Variants in CRX observed in about 807,000 individuals in gnomAD.
CRX encodes cone-rod homeobox.
A neutral mutation model predicts 13.1 loss-of-function variants in CRX; 5 were observed. The ratio of observed to expected loss-of-function variants is 0.38; its 90% CI spans 0.20 to 0.80. The LOEUF is 0.80. Ranked by LOEUF, CRX falls within the 30% of genes least tolerant of loss-of-function variation. The pLI, the probability that CRX is intolerant of heterozygous loss-of-function variation, is 0.43. For synonymous variants in CRX, 179 were observed against 171.1 expected (o/e 1.05, Z -0.36); for missense variants, 351 against 391.8 (o/e 0.90, Z 0.88).
At chr19:47,827,836 TAAAAAAAAAAAAAAAAAA>T (rs1156465404) in intron 1 of CRX, among the ~76,000 whole-genome samples, 15,652 of 42,432 alleles carry the variant, frequency 0.37, 1,998 homozygotes, top group Admixed American at 0.45. Context: ...GCATCTTTAT[TAAAAAAAAAAAAAAAAAA>T]AAAAAAAAAA....
In CRX at chr19:47,839,255, C is replaced by T. The variant is rs1968159114; in HGVS notation, c.253-65C>T. 3 of 1,542,618 alleles carry T rather than the reference C, an allele frequency of 1.9e-6. No individual in the cohort carries two copies. The highest frequency in any genetic ancestry group is 1.9e-5 in the Admixed American group (1 of 53,110). ...ACCAATAAGTGTCCTCATCCCCGGG[C>T]ACCCTGCGGCTCTCCTGGGCCTCTT... On this transcript the variant is annotated intron_variant, in intron 3 of 3. Coordinates refer to ENST00000221996, the MANE Select transcript of CRX (RefSeq NM_000554.6). This position sits in a 1 kb window ranked among gnomAD's most constrained non-coding sequence, Gnocchi z 4.6.
Position 47,840,670 on chromosome 19 carries a change from TAGGATTACAGGCGTG to T in CRX, c.*706_*720del. On this transcript the variant is annotated 3_prime_UTR_variant, in exon 4 of 4. Transcript: ENST00000221996. ...CGCCCGCCTCGGCCTCCCAAAGTGC[TAGGATTACAGGCGTG>T]AGCCACCGCGCCCGGCCCTTTTTTT... 1 of 149,672 alleles carries T rather than the reference TAGGATTACAGGCGTG, an allele frequency of 6.7e-6. No individual in the cohort carries two copies. The highest frequency in any genetic ancestry group is 1.5e-5 in the Non-Finnish European group (1 of 67,684). 9.3% of individuals were successfully genotyped at this position (149,672 alleles called of 1,614,324 possible). A position where few individuals can be genotyped will look rare whatever the true frequency, so the allele number is the denominator to read the frequency against.
In CRX at chr19:47,834,394, C is replaced by T. The variant is rs766058523; in HGVS notation, c.-35-15C>T. 2.2e-6 allele frequency: 3 copies of T among 1,381,766 alleles called. No homozygotes were observed. Among genetic ancestry groups the T allele is most frequent in the Admixed American group, 1.7e-5 (1 of 59,696 alleles). The allele number at this position is 1,381,766 out of a possible 1,614,324, so 85.6% of individuals were successfully genotyped here. ...AACTGGTAAGTGAGTGAGCATCCCT[C>T]CTCTTCTCTTGCAGGCCCCCTGACT... On this transcript the variant is annotated splice_polypyrimidine_tract_variant and intron_variant, in intron 1 of 3. Coordinates refer to ENST00000221996, the MANE Select transcript of CRX (RefSeq NM_000554.6).
chr19:47,839,314 C>T lies in CRX; in HGVS notation c.253-6C>T, dbSNP rs1968160643. 6.2e-7 allele frequency: 1 copy of T among 1,612,970 alleles called. No homozygotes were observed. The highest frequency in any genetic ancestry group is 1.3e-5 in the African/African-American group (1 of 74,976). On this transcript the variant is annotated splice_region_variant and splice_polypyrimidine_tract_variant and intron_variant, in intron 3 of 3. Coordinates refer to ENST00000221996, the MANE Select transcript of CRX (RefSeq NM_000554.6). The surrounding 1 kb of genome is among the most constrained non-coding windows in gnomAD (Gnocchi z 4.6). ...ACCCACCCCCATCTCCGCTCTTATC[C>T]CCCAGGTTTGGTTCAAGAACCGGAG... is the stretch of plus-strand genomic sequence containing the variant.
At chr19:47,837,312 G>A (rs1332351070) in intron 3 of CRX, among the ~76,000 whole-genome samples, 2 of 152,060 alleles carry the variant, frequency 1.3e-5, no homozygotes, top group Non-Finnish European at 2.9e-5. Flanking sequence ...GATTACAGGC[G>A]TGTGCCACCA....
intron 1 of CRX, among the ~76,000 whole-genome samples, chr19:47,828,171 T>C (rs1292372836): frequency 1.3e-5 from 2 of 151,888 alleles, no homozygotes; most frequent in Non-Finnish European, 2.9e-5. Flanking sequence ...AAAAAATTTT[T>C]TTTTCCTTGT....
intron 1 of CRX, among the ~76,000 whole-genome samples, chr19:47,826,432 C>T (rs1967975669): frequency 6.6e-6 from 1 of 152,046 alleles, no homozygotes; most frequent in South Asian, 2.1e-4. Context: ...GGCAAGACAC[C>T]TCTCTCTACA....
rs535494900 is a variant in CRX, at chr19:47,834,155, G to A, written c.-35-254G>A. Among the ~76,000 whole-genome samples the A allele has an allele frequency of 4.6e-5, 7 of 152,232 alleles. No homozygotes were observed. In the East Asian group the frequency reaches 9.6e-4, roughly 21 times the overall value. On this transcript the variant is annotated intron_variant, in intron 1 of 3. Transcript: ENST00000221996. Reference sequence around the variant, plus strand: ...CAGGACGAGATTTTTAGAGGGTAGAGTAGGAATAAGAGCTTGCACTTATGA... The same window carrying A: ...CAGGACGAGATTTTTAGAGGGTAGAATAGGAATAAGAGCTTGCACTTATGA...
rs1274079117 is a variant in CRX at position 47,842,807 on chromosome 19, AC to A, written c.*2841del. On this transcript the variant is annotated 3_prime_UTR_variant, in exon 4 of 4. Transcript: ENST00000221996. ...TTCTTCGGAGACACGGAAGCTCTGC[AC>A]TGGAGGCCGGGACTCAGGCGTGGAA... 7 of 152,348 alleles carry A rather than the reference AC, an allele frequency of 4.6e-5. No individual in the cohort carries two copies. Among genetic ancestry groups the A allele is most frequent in the Admixed American group, 3.9e-4 (6 of 15,262 alleles). 9.4% of individuals were successfully genotyped at this position (152,348 alleles called of 1,614,324 possible).
Position 47,834,122 on chromosome 19 carries a change from T to C in CRX, c.-35-287T>C, listed in dbSNP as rs562595232. Among the ~76,000 whole-genome samples the C allele has an allele frequency of 2.6e-5, 4 of 152,226 alleles. No individual in the cohort carries two copies. The East Asian group carries it at 7.7e-4, about 29-fold the overall frequency. On this transcript the variant is annotated intron_variant, in intron 1 of 3. Transcript: ENST00000221996. ...CTGGGATGACAGATGTGAGCCATTG[T>C]GCCTAGCCAGGACGAGATTTTTAGA... is the stretch of plus-strand genomic sequence containing the variant.
At chr19:47,834,655 TACAC>T (rs1968095005) in intron 2 of CRX, 112 bp downstream of exon 2, 1 of 776,478 alleles carries the variant, frequency 1.3e-6, no homozygotes, top group African/African-American at 1.7e-5. Context: ...TTCAGGGCCA[TACAC>T]CAGCCCTCTG....
chr19:47,830,274 A>G (rs1568622610), intron 1 of CRX, among the ~76,000 whole-genome samples: 1 of 151,630 alleles, frequency 6.6e-6, no homozygotes, highest in Non-Finnish European at 1.5e-5. Flanking sequence ...ACGCCGCTGC[A>G]CTCCGGCCTG....
chr19:47,839,247 TC>T lies in CRX; in HGVS notation c.253-69del, dbSNP rs1968158802. 7 of 1,515,908 alleles carry T rather than the reference TC, an allele frequency of 4.6e-6. No individual in the cohort carries two copies. In the South Asian group the frequency reaches 7.4e-5, roughly 16 times the overall value. The allele number at this position is 1,515,908 out of a possible 1,614,324, so 93.9% of individuals were successfully genotyped here. A position where few individuals can be genotyped will look rare whatever the true frequency, so the allele number is the denominator to read the frequency against. ...CACCTCTCACCAATAAGTGTCCTCA[TC>T]CCCGGGCACCCTGCGGCTCTCCTGG... On this transcript the variant is annotated intron_variant, in intron 3 of 3. Coordinates refer to ENST00000221996, the MANE Select transcript of CRX (RefSeq NM_000554.6). This position sits in a 1 kb window ranked among gnomAD's most constrained non-coding sequence, Gnocchi z 4.6.
chr19:47,833,771 A>G (rs1968083314), intron 1 of CRX, among the ~76,000 whole-genome samples: 2 of 69,912 alleles, frequency 2.9e-5, no homozygotes, highest in Non-Finnish European at 6.7e-5. Context: ...GTGTTTGCCC[A>G]TGGTCAAGAA....
At chr19:47,827,919 C>G (rs12980039) in intron 1 of CRX, among the ~76,000 whole-genome samples, 1 of 136,250 alleles carries the variant, frequency 7.3e-6, no homozygotes, top group Non-Finnish European at 1.5e-5. Flanking sequence ...TTTGGGAGGC[C>G]GAGGCGGGTG....
rs550083287 is a variant in CRX, at chr19:47,839,856, C to T, written c.789C>T (p.Pro263=). 34 of 1,614,138 alleles carry T rather than the reference C, an allele frequency of 2.1e-5. No individual in the cohort carries two copies. The highest frequency in any genetic ancestry group is 6.7e-5 in the Admixed American group (4 of 60,002). Residue 263 remains proline (P), a synonymous_variant, in exon 4 of 4, where the codon CCC becomes CCT. Transcript: ENST00000221996. This position sits in a 1 kb window ranked among gnomAD's most constrained non-coding sequence, Gnocchi z 4.6. ...LSGQSYGAYS[P]VDSLEFKDPT... ...GCCAGAGCTATGGCGCCTACAGCCC[C>T]GTGGATAGCTTGGAATTCAAGGACC...
At chr19:47,837,118 G>A (rs897473171) in intron 3 of CRX, among the ~76,000 whole-genome samples, 4 of 152,188 alleles carry the variant, frequency 2.6e-5, no homozygotes, top group Non-Finnish European at 5.9e-5. Flanking sequence ...ATATGTATAC[G>A]TGGTGTATGT....
Position 47,829,567 on chromosome 19 carries a change from G to A in CRX, c.-35-4842G>A, listed in dbSNP as rs979628534. 2.0e-5 allele frequency among the ~76,000 whole-genome samples: 3 copies of A among 152,094 alleles called. No homozygotes were observed. The East Asian group carries it at 5.8e-4, about 29-fold the overall frequency. On this transcript the variant is annotated intron_variant, in intron 1 of 3. Transcript: ENST00000221996. ...GCTGGTCTTGAACTCTTGACCTCAGGTGATCCATCTGCCTCGGCCTCCCAA... is the reference window on the plus strand; with the variant it reads ...GCTGGTCTTGAACTCTTGACCTCAGATGATCCATCTGCCTCGGCCTCCCAA...
intron 1 of CRX, among the ~76,000 whole-genome samples, chr19:47,822,716 C>T (rs1047781904): frequency 2.2e-4 from 33 of 152,206 alleles, no homozygotes; most frequent in African/African-American, 7.0e-4. Context: ...GGCTCTACTT[C>T]GGGACTGGGG....
Sources: gnomAD v4.1 joint callset for allele counts (sites outside exome capture counted in the v4.1 genomes callset) on GRCh38, gnomAD v4.1.1 for gene constraint, Gnocchi (gnomAD v3.1) non-coding constraint, MANE v1.5 for transcripts, NCBI Gene and HGNC (gene_info 2026-07-23, HGNC 2026-07-21) for gene names.